Variants in LRCH4 observed in about 807,000 individuals in gnomAD.
The protein encoded by LRCH4 is leucine rich repeats and calponin homology domain containing 4, also known as leucine-rich repeat and calponin homology domain-containing protein 4.
Under a neutral mutation model 81.2 loss-of-function variants are expected in LRCH4, and 56 were observed. That is an observed-to-expected ratio of 0.69 (90% confidence interval 0.56 to 0.86). LRCH4 has a LOEUF of 0.86. Ranked by LOEUF, LRCH4 falls within the 40% of genes least tolerant of loss-of-function variation. The probability of loss-of-function intolerance (pLI) is 0.00; values close to 1 mark genes in which losing one functional copy is unlikely to be tolerated. For missense variants in LRCH4, 895 were observed against 922.8 expected (o/e 0.97, Z 0.39); for synonymous variants, 442 against 409.7 (o/e 1.08, Z -0.95).
rs966388973 is a variant in LRCH4, at chr7:100,575,985, C to T, written c.1662G>A (p.Arg554=). 1.2e-6 allele frequency: 2 copies of T among 1,606,198 alleles called. No individual in the cohort carries two copies. Among genetic ancestry groups the T allele is most frequent in the Non-Finnish European group, 1.7e-6 (2 of 1,178,830 alleles). ...CCTCGGCCAGGTCCTCAGGCAGGGG[C>T]CGCTGCAGCCGGGACTCAAGGACCT... ...LRQVLESRLQ[R]PLPEDLAEAL... Residue 554 remains arginine, a synonymous_variant, in exon 16 of 18, where the codon CGG becomes CGA. Transcript: ENST00000310300. The surrounding 1 kb of genome is among the most constrained non-coding windows in gnomAD (Gnocchi z 5.3).
intron 1 of LRCH4, among the ~76,000 whole-genome samples, chr7:100,585,638 G>A (rs980378230): frequency 3.4e-5 from 5 of 148,908 alleles, no homozygotes; most frequent in African/African-American, 5.2e-5. Context: ...CAAATAAAGA[G>A]AAAGGAGGAA....
In LRCH4 at chr7:100,577,658, T is replaced by G. The variant is rs2131171329; in HGVS notation, c.1116+6A>C. 6.2e-7 allele frequency: 1 copy of G among 1,613,568 alleles called. No homozygotes were observed. The highest frequency in any genetic ancestry group is 1.1e-5 in the South Asian group (1 of 91,080). On this transcript the variant is annotated splice_donor_region_variant and intron_variant, in intron 9 of 17. Coordinates refer to ENST00000310300, the MANE Select transcript of LRCH4 (RefSeq NM_002319.5). The surrounding 1 kb of genome is among the most constrained non-coding windows in gnomAD (Gnocchi z 6.7). Reference sequence around the variant, plus strand: ...TCCCTTGGGAGAGGCATAGCTGGGCTCTCACCTCCACAGTGCCTCGCTCTT... The same window carrying G: ...TCCCTTGGGAGAGGCATAGCTGGGCGCTCACCTCCACAGTGCCTCGCTCTT...
At position 100,586,106 on chromosome 7, in the gene LRCH4, C is replaced by A; in HGVS notation, c.-6G>T. The A allele has an allele frequency of 2.6e-6, 4 of 1,512,884 alleles. No homozygotes were observed. In the South Asian group the frequency reaches 5.0e-5, roughly 19 times the overall value. 93.7% of individuals were successfully genotyped at this position (1,512,884 alleles called of 1,614,324 possible). Reference sequence around the variant, plus strand: ...GCCGCTACGGCCGCCGCCATCCGCTCCCGGCGGCTCCCGCTGCCTGACTGA... The same window carrying A: ...GCCGCTACGGCCGCCGCCATCCGCTACCGGCGGCTCCCGCTGCCTGACTGA... On this transcript the variant is annotated 5_prime_UTR_variant, in exon 1 of 18. Coordinates refer to ENST00000310300, the MANE Select transcript of LRCH4 (RefSeq NM_002319.5).
chr7:100,576,947 C>T lies in LRCH4; in HGVS notation c.1423G>A (p.Ala475Thr), dbSNP rs370950472. The T allele has an allele frequency of 4.4e-6, 7 of 1,574,274 alleles. No homozygotes were observed. The highest frequency in any genetic ancestry group is 4.6e-5 in the East Asian group (2 of 43,600). The change falls in exon 13 of 18, where the codon GCC becomes ACC. Residue 475 changes from alanine to threonine, a missense_variant. Transcript: ENST00000310300. ...GGCTCTTGGGAGGCAGGGGCAGGGG[C>T]GGGGGCTCCCTGCCCCGCTGCAGCC... ...AGAAAGQGAPAPAPASQEPLP... is the reference protein window; with the variant it reads ...AGAAAGQGAPTPAPASQEPLP...
rs1801356835 is a variant in LRCH4 at position 100,576,299 on chromosome 7, A to G, written c.1577T>C (p.Leu526Pro). ...AACCTGGGGGTACCGCCGAGGTCTC[A>G]GGACAGAGTCTGGTGAGGAAGGGCC... Reference protein sequence around the residue: ...GSGPSSPDSVLRPRRYPQVPD... With the variant: ...GSGPSSPDSVPRPRRYPQVPD... Residue 526 changes from leucine (L) to proline (P), a missense_variant, in exon 15 of 18, where the codon CTG (leucine) becomes CCG (proline). By Grantham distance (98) the Leu-to-Pro change is moderately conservative. Transcript: ENST00000310300. 6.2e-7 allele frequency: 1 copy of G among 1,614,108 alleles called. No homozygotes were observed. The highest frequency in any genetic ancestry group is 1.7e-4 in the Middle Eastern group (1 of 6,060).
Position 100,578,221 on chromosome 7 carries a change from C to T in LRCH4, c.886G>A (p.Gly296Ser), listed in dbSNP as rs771438499. 3.1e-6 allele frequency: 5 copies of T among 1,614,250 alleles called. No individual in the cohort carries two copies. The Admixed American group carries it at 8.3e-5, about 27-fold the overall frequency. ...CTGTGGAAGCCTGAGTCCAGCCCAC[C>T]ATCGTACCGATGTCCCGGAAATAGA... is the stretch of plus-strand genomic sequence containing the variant. ...EDLFPGHRYD[G>S]GLDSGFHSVD... The change falls in exon 7 of 18, where the codon GGT (glycine) becomes AGT (serine). Residue 296 changes from glycine (G) to serine (S), a missense_variant. Gly to Ser is a moderately conservative substitution (Grantham distance 56, BLOSUM62 0). Transcript: ENST00000310300. This position sits in a 1 kb window ranked among gnomAD's most constrained non-coding sequence, Gnocchi z 5.7.
Position 100,583,625 on chromosome 7 carries a change from G to C in LRCH4, c.221-1166C>G, listed in dbSNP as rs1279926013. On this transcript the variant is annotated intron_variant, in intron 1 of 17. Transcript: ENST00000310300. The surrounding 1 kb of genome is among the most constrained non-coding windows in gnomAD (Gnocchi z 4.3). ...AGTAGAAACAATCTGTCAGGTTCTG[G>C]CTCTGGTAGGCCCCGTGTTTACCAG... Among the ~76,000 whole-genome samples the C allele has an allele frequency of 6.6e-6, 1 of 152,202 alleles. No individual in the cohort carries two copies. Among genetic ancestry groups the C allele is most frequent in the Non-Finnish European group, 1.5e-5 (1 of 68,042 alleles).
Position 100,582,510 on chromosome 7 carries a change from A to G in LRCH4, c.221-51T>C. The G allele has an allele frequency of 6.4e-7, 1 of 1,571,218 alleles. No homozygotes were observed. The highest frequency in any genetic ancestry group is 1.1e-5 in the South Asian group (1 of 88,548). On this transcript the variant is annotated intron_variant, in intron 1 of 17. Coordinates refer to ENST00000310300, the MANE Select transcript of LRCH4 (RefSeq NM_002319.5). This position sits in a 1 kb window ranked among gnomAD's most constrained non-coding sequence, Gnocchi z 5.0. ...AGTTGCGGAAAGGCCCAGCCCGGAC[A>G]GGACCTTCAGTCCCCCCAGAGCCGG...
At chr7:100,580,801 A>ACACATGCACATAGACACACATG (rs1562808015) in intron 4 of LRCH4, 4 of 147,648 alleles carry the variant, frequency 2.7e-5, no homozygotes, top group African/African-American at 5.2e-5. Context: ...AGACACACAT[A>ACACATGCACATAGACACACATG]CACATGCACA....
Position 100,577,549 on chromosome 7 carries a change from G to A in LRCH4, c.1126C>T (p.Pro376Ser), listed in dbSNP as rs1355597327. 3.1e-6 allele frequency: 5 copies of A among 1,610,722 alleles called. No individual in the cohort carries two copies. The highest frequency in any genetic ancestry group is 4.2e-6 in the Non-Finnish European group (5 of 1,179,958). The change falls in exon 10 of 18, where the codon CCA becomes TCA. Residue 376 changes from proline (P) to serine (S), a missense_variant. Pro to Ser is a moderately conservative substitution (Grantham distance 74, BLOSUM62 -1). Around this residue, in one of 3 missense-constraint regions of LRCH4, gnomAD observed 529 missense variants for 504.9 expected, o/e 1.05. Transcript: ENST00000310300. This position sits in a 1 kb window ranked among gnomAD's most constrained non-coding sequence, Gnocchi z 6.7. Reference protein sequence around the residue: ...EERGTVEEQRPPELSPGAGDR... With the variant: ...EERGTVEEQRSPELSPGAGDR... ...CCTGCCCCAGGGCTTAATTCGGGTG[G>A]TCGCTGCTCCTAAGGAGAGAACAGC...
Position 100,582,201 on chromosome 7 carries a change from C to A in LRCH4, c.366-34G>T. On this transcript the variant is annotated intron_variant, in intron 2 of 17. Transcript: ENST00000310300. This position sits in a 1 kb window ranked among gnomAD's most constrained non-coding sequence, Gnocchi z 5.0. ...GGGAGAAAGGCAGCGGACTGGCTCC[C>A]CAGGCATGGCATCCCAGCACTGCCA... 1 of 1,613,356 alleles carries A rather than the reference C, an allele frequency of 6.2e-7. No homozygotes were observed. The highest frequency in any genetic ancestry group is 8.5e-7 in the Non-Finnish European group (1 of 1,179,856).
At position 100,577,598 on chromosome 7, in the gene LRCH4, G is replaced by A. The variant is rs1472948591; in HGVS notation, c.1117-40C>T. ...GCAGAGCAGCTGAGGGCAGGCCTGT[G>A]CCCACGCCTGCCCTGTCCCCTCCTC... On this transcript the variant is annotated intron_variant, in intron 9 of 17. Transcript: ENST00000310300. This position sits in a 1 kb window ranked among gnomAD's most constrained non-coding sequence, Gnocchi z 6.7. The A allele has an allele frequency of 6.2e-6, 10 of 1,611,042 alleles. No homozygotes were observed. The highest frequency in any genetic ancestry group is 1.1e-5 in the South Asian group (1 of 91,078).
rs1158442670 is a variant in LRCH4 at position 100,577,022 on chromosome 7, G to C, written c.1365-17C>G. 1.2e-6 allele frequency: 2 copies of C among 1,613,844 alleles called. No homozygotes were observed. The highest frequency in any genetic ancestry group is 2.2e-5 in the East Asian group (1 of 44,874). Reference sequence around the variant, plus strand: ...GGCGAGCCGCTGAGGAGAGACAGAAGGGAATTAGAGGGATGATGGTCATAG... The same window carrying C: ...GGCGAGCCGCTGAGGAGAGACAGAACGGAATTAGAGGGATGATGGTCATAG... On this transcript the variant is annotated splice_polypyrimidine_tract_variant and intron_variant, in intron 12 of 17. Coordinates refer to ENST00000310300, the MANE Select transcript of LRCH4 (RefSeq NM_002319.5). The surrounding 1 kb of genome is among the most constrained non-coding windows in gnomAD (Gnocchi z 6.7).
In LRCH4 at chr7:100,582,502, G is replaced by T; in HGVS notation, c.221-43C>A. 6.3e-7 allele frequency: 1 copy of T among 1,584,238 alleles called. No individual in the cohort carries two copies. Among genetic ancestry groups the T allele is most frequent in the Non-Finnish European group, 8.5e-7 (1 of 1,172,368 alleles). ...TCGGGGAGAGTTGCGGAAAGGCCCA[G>T]CCCGGACAGGACCTTCAGTCCCCCC... On this transcript the variant is annotated intron_variant, in intron 1 of 17. Coordinates refer to ENST00000310300, the MANE Select transcript of LRCH4 (RefSeq NM_002319.5). The surrounding 1 kb of genome is among the most constrained non-coding windows in gnomAD (Gnocchi z 5.0).
chr7:100,585,725 A>G (rs1470715709), intron 1 of LRCH4, among the ~76,000 whole-genome samples, 156 bp downstream of exon 1: 1 of 152,024 alleles, frequency 6.6e-6, no homozygotes, highest in Non-Finnish European at 1.5e-5. Flanking sequence ...GTTCTCAAAG[A>G]TGGGAGAGGA....
rs764193242 is a variant in LRCH4 at position 100,576,938 on chromosome 7, G to A, written c.1432C>T (p.Pro478Ser). Residue 478 changes from proline to serine, a missense_variant, in exon 13 of 18, where the codon CCT becomes TCT. Pro to Ser is a moderately conservative substitution (Grantham distance 74). Coordinates refer to ENST00000310300, the MANE Select transcript of LRCH4 (RefSeq NM_002319.5). ...AAGQGAPAPAPASQEPLPIAG... is the reference protein window; with the variant it reads ...AAGQGAPAPASASQEPLPIAG... ...ATGGGAAGGGGCTCTTGGGAGGCAG[G>A]GGCAGGGGCGGGGGCTCCCTGCCCC... 2.0e-5 allele frequency: 31 copies of A among 1,570,276 alleles called. No homozygotes were observed. Among genetic ancestry groups the A allele is most frequent in the Non-Finnish European group, 2.2e-5 (26 of 1,156,484 alleles).
In LRCH4 at chr7:100,582,124, G is replaced by A. The variant is rs778335117; in HGVS notation, c.409C>T (p.Pro137Ser). 6.2e-7 allele frequency: 1 copy of A among 1,612,926 alleles called. No homozygotes were observed. Among genetic ancestry groups the A allele is most frequent in the Non-Finnish European group, 8.5e-7 (1 of 1,179,892 alleles). Reference protein sequence around the residue: ...SLLPPYICQLPLRVLIVSNNK... With the variant: ...SLLPPYICQLSLRVLIVSNNK... ...TTGCTGACGATGAGGACCCTCAGGG[G>A]CAGCTGGCAGATGTAGGGTGGCAGC... The change falls in exon 3 of 18, where the codon CCC becomes TCC. Residue 137 changes from proline to serine, a missense_variant. Pro to Ser is a moderately conservative substitution (Grantham distance 74). Transcript: ENST00000310300. The surrounding 1 kb of genome is among the most constrained non-coding windows in gnomAD (Gnocchi z 5.0).
At chr7:100,585,071 G>C (rs940245476) in intron 1 of LRCH4, 4 of 262,276 alleles carry the variant, frequency 1.5e-5, no homozygotes, top group African/African-American at 9.1e-5. Context: ...GTGGAGGCGT[G>C]GAAGGACAGT....
In LRCH4 at chr7:100,577,954, C is replaced by A. The variant is rs1801425604; in HGVS notation, c.949-42G>T. ...AGAGATGGGAGATGGCCTCTCTGTA[C>A]ATGGGGGCTCAGGACCTGGGGGGTC... On this transcript the variant is annotated intron_variant, in intron 7 of 17. Coordinates refer to ENST00000310300, the MANE Select transcript of LRCH4 (RefSeq NM_002319.5). This position sits in a 1 kb window ranked among gnomAD's most constrained non-coding sequence, Gnocchi z 6.7. The A allele has an allele frequency of 6.5e-6, 10 of 1,543,866 alleles. No individual in the cohort carries two copies. The highest frequency in any genetic ancestry group is 8.9e-6 in the Non-Finnish European group (10 of 1,119,382).
Sources: allele counts gnomAD v4.1 joint callset (sites outside exome capture counted in the v4.1 genomes callset), GRCh38; gene constraint gnomAD v4.1.1; regional missense constraint gnomAD v4.1.1; non-coding constraint Gnocchi (gnomAD v3.1); transcripts MANE v1.5; gene names NCBI Gene and HGNC (gene_info 2026-07-23, HGNC 2026-07-21).